The following NRXN1 variants were observed in gnomAD, a reference collection of about 807,000 sequenced individuals.
NRXN1 encodes neurexin-1.
NRXN1 carries 39 observed loss-of-function variants against 150.9 expected under a neutral mutation model. The observed-to-expected ratio is 0.26, with a 90% confidence interval of 0.20 to 0.34. NRXN1 has a LOEUF of 0.34. Ranked by LOEUF, NRXN1 falls within the 10% of genes least tolerant of loss-of-function variation. The pLI, the probability that NRXN1 is intolerant of heterozygous loss-of-function variation, is 1.00. For synonymous variants in NRXN1, 924 were observed against 757.0 expected (o/e 1.22, Z -3.62); for missense variants, 1,815 against 1,949.9 (o/e 0.93, Z 1.30).
At chr2:50,961,510 C>T (rs76359844) in intron 2 of NRXN1, among the ~76,000 whole-genome samples, 1 of 151,508 alleles carries the variant, frequency 6.6e-6, no homozygotes, top group Non-Finnish European at 1.5e-5. Context: ...ACAACAACAA[C>T]AAAAAACCCA....
At chr2:50,546,464 A>T (rs1361448091) in intron 9 of NRXN1, among the ~76,000 whole-genome samples, 1 of 152,182 alleles carries the variant, frequency 6.6e-6, no homozygotes, top group African/African-American at 2.4e-5. Flanking sequence ...AATTCCCAGA[A>T]AATAAATTTT....
Position 49,984,198 on chromosome 2 carries a change from A to G in NRXN1, c.4129-40407T>C, listed in dbSNP as rs537552013. On this transcript the variant is annotated intron_variant, in intron 21 of 22. Coordinates refer to ENST00000401669, the MANE Select transcript of NRXN1 (RefSeq NM_001330078.2). ...TTAAGAAAAAAAAATCAGAAAAAGC[A>G]AATACAGACAAAGCAAGTATACCAT... Among the ~76,000 whole-genome samples the G allele has an allele frequency of 5.1e-4, 78 of 152,218 alleles. 1 individual carries two copies. Among genetic ancestry groups the G allele is most frequent in the South Asian group, 4.1e-3 (20 of 4,826 alleles).
chr2:50,463,308 A>G (rs144493090), intron 17 of NRXN1, among the ~76,000 whole-genome samples: 2 of 152,030 alleles, frequency 1.3e-5, no homozygotes, highest in South Asian at 2.1e-4. Flanking sequence ...TCTACCAATT[A>G]TAATTGATAC....
chr2:50,111,988 T>C (rs1305370761), intron 18 of NRXN1, among the ~76,000 whole-genome samples: 1 of 151,752 alleles, frequency 6.6e-6, no homozygotes, highest in Non-Finnish European at 1.5e-5. Flanking sequence ...GTTTCTTAAT[T>C]AGGGCACCAC....
chr2:50,490,202 C>T (rs1392203926), intron 15 of NRXN1, among the ~76,000 whole-genome samples: 3 of 152,182 alleles, frequency 2.0e-5, no homozygotes, highest in Non-Finnish European at 2.9e-5. Context: ...CCCTGAACCT[C>T]GGCTCATCCA....
chr2:49,962,134 C>A (rs1014190427), intron 21 of NRXN1, among the ~76,000 whole-genome samples: 1 of 152,104 alleles, frequency 6.6e-6, no homozygotes, highest in African/African-American at 2.4e-5. Context: ...GTATTCAATT[C>A]TTTGGGTGGA....
At chr2:51,008,651 G>C (rs1667397248) in intron 2 of NRXN1, among the ~76,000 whole-genome samples, 1 of 151,548 alleles carries the variant, frequency 6.6e-6, no homozygotes, top group African/African-American at 2.4e-5. Flanking sequence ...CATTTTAATT[G>C]TGTATAAAAT....
chr2:50,120,399 G>C (rs1185032576), intron 18 of NRXN1, among the ~76,000 whole-genome samples: 1 of 151,918 alleles, frequency 6.6e-6, no homozygotes, highest in East Asian at 1.9e-4. Context: ...GTAGACCTTA[G>C]GCCCAGAAAC....
At chr2:50,725,061 C>G (rs1697166984) in intron 5 of NRXN1, among the ~76,000 whole-genome samples, 1 of 151,154 alleles carries the variant, frequency 6.6e-6, no homozygotes, top group African/African-American at 2.4e-5. Context: ...ATTATCCACA[C>G]TTGGATTTGC....
chr2:49,963,794 A>C lies in NRXN1; in HGVS notation c.4129-20003T>G, dbSNP rs74783252. Among the ~76,000 whole-genome samples the C allele has an allele frequency of 8.7e-3, 1,322 of 152,340 alleles. 24 individuals are homozygous for C. The highest frequency in any genetic ancestry group is 0.03 in the African/African-American group (1,240 of 41,580). On this transcript the variant is annotated intron_variant, in intron 21 of 22. Coordinates refer to ENST00000401669, the MANE Select transcript of NRXN1 (RefSeq NM_001330078.2). ...CTATGAACGGTGAATTAAATGACGA[A>C]TCTCTTTCAGAACCCATTAATACTT... is the stretch of plus-strand genomic sequence containing the variant.
chr2:50,495,351 T>G (rs1259041488), intron 15 of NRXN1, among the ~76,000 whole-genome samples: 1 of 44,756 alleles, frequency 2.2e-5, no homozygotes, highest in African/African-American at 1.0e-4. Context: ...ATTCCGTGTG[T>G]GTGTGTGTGT....
chr2:50,807,546 C>T (rs560191473), intron 5 of NRXN1, among the ~76,000 whole-genome samples: 33 of 152,204 alleles, frequency 2.2e-4, no homozygotes, highest in Admixed American at 1.4e-3. Context: ...TGGAAGATGG[C>T]GGCCCATGAG....
At chr2:50,101,617 T>A (rs961001070) in intron 18 of NRXN1, among the ~76,000 whole-genome samples, 9 of 151,976 alleles carry the variant, frequency 5.9e-5, no homozygotes, top group Admixed American at 5.9e-4. Flanking sequence ...TAAAACAAAA[T>A]GAACCTTCGT....
At chr2:50,478,607 G>A (rs539669819) in intron 15 of NRXN1, among the ~76,000 whole-genome samples, 1 of 152,240 alleles carries the variant, frequency 6.6e-6, no homozygotes, top group East Asian at 1.9e-4. Flanking sequence ...TACATAAAAG[G>A]TTTAGCCTTA....
chr2:50,371,695 T>G (rs1485791431), intron 17 of NRXN1, among the ~76,000 whole-genome samples: 1 of 152,164 alleles, frequency 6.6e-6, no homozygotes, highest in East Asian at 1.9e-4. Flanking sequence ...TGCATTTTTA[T>G]GGAAAGTGGA....
chr2:50,559,111 CA>C (rs1158263755), intron 8 of NRXN1, among the ~76,000 whole-genome samples: 3 of 150,762 alleles, frequency 2.0e-5, no homozygotes, highest in Non-Finnish European at 4.4e-5. Context: ...AAATAAATAT[CA>C]AGTGAAAATA....
chr2:50,005,482 C>A (rs754071946), intron 21 of NRXN1, among the ~76,000 whole-genome samples: 1 of 152,104 alleles, frequency 6.6e-6, no homozygotes, highest in Non-Finnish European at 1.5e-5. Flanking sequence ...CCGGGACAAC[C>A]ATGAGAGTCT....
intron 18 of NRXN1, among the ~76,000 whole-genome samples, chr2:50,226,785 A>G (rs938580449): frequency 6.6e-6 from 1 of 151,986 alleles, no homozygotes; most frequent in East Asian, 1.9e-4. Context: ...TCAGATTTGT[A>G]TCTCTAACCC....
intron 18 of NRXN1, among the ~76,000 whole-genome samples, chr2:50,168,543 A>C (rs573125649): frequency 7.2e-5 from 11 of 152,172 alleles, no homozygotes; most frequent in Non-Finnish European, 1.6e-4. Context: ...AATTAACAGA[A>C]CTTAGTTTTT....
Sources: allele counts gnomAD v4.1 joint callset (sites outside exome capture counted in the v4.1 genomes callset), GRCh38; gene constraint gnomAD v4.1.1; transcripts MANE v1.5; gene names NCBI Gene and HGNC (gene_info 2026-07-23, HGNC 2026-07-21).